GNA15: variants seen among roughly 807,000 people sequenced by gnomAD.
GNA15 encodes the protein guanine nucleotide-binding protein subunit alpha-15.
Under a neutral mutation model 40.1 loss-of-function variants are expected in GNA15, and 23 were observed. The ratio of observed to expected loss-of-function variants is 0.57; its 90% CI spans 0.41 to 0.81. The LOEUF (loss-of-function observed/expected upper bound fraction) is 0.81. GNA15 is among the 40% of genes least tolerant of loss of function. GNA15 has a pLI of 0.00. For missense variants in GNA15, 522 were observed against 515.8 expected, an observed-to-expected ratio of 1.01 and a Z score of -0.12; for synonymous variants, 226 against 210.4, an observed-to-expected ratio of 1.07 and a Z score of -0.64.
At chr19:3,139,992 C>G (rs975082167) in intron 1 of GNA15, among the ~76,000 whole-genome samples, 1 of 145,124 alleles carries the variant, frequency 6.9e-6, no homozygotes, top group Non-Finnish European at 1.5e-5. Flanking sequence ...AAGATCACAC[C>G]ACTGAACTCC....
rs185995452 is a variant in GNA15, at chr19:3,147,688, C to G, written c.146-903C>G. ...TTGGGAGGCCGAGGCGGGTGGATCACGAGGTCAAGACCACGGTGAAACCCC... is the reference window on the plus strand; with the variant it reads ...TTGGGAGGCCGAGGCGGGTGGATCAGGAGGTCAAGACCACGGTGAAACCCC... On this transcript the variant is annotated intron_variant, in intron 1 of 6. Coordinates refer to ENST00000262958, the MANE Select transcript of GNA15 (RefSeq NM_002068.4). 9.4e-4 allele frequency among the ~76,000 whole-genome samples: 143 copies of G among 152,076 alleles called. 1 individual carries two copies. Among genetic ancestry groups the G allele is most frequent in the Middle Eastern group, 6.8e-3 (2 of 294 alleles).
intron 1 of GNA15, among the ~76,000 whole-genome samples, chr19:3,145,352 TATATATA>T (rs1302085287): frequency 0.014 from 504 of 35,754 alleles, 9 homozygotes; most frequent in Non-Finnish European, 0.021. Context: ...TATATATATA[TATATATA>T]TTTTTTTTTT....
At chr19:3,159,642 C>G (rs530736030) in intron 6 of GNA15, among the ~76,000 whole-genome samples, 10 of 152,330 alleles carry the variant, frequency 6.6e-5, no homozygotes, top group African/African-American at 2.4e-4. Context: ...CACACCTGGC[C>G]TTTCTCTTTA....
intron 5 of GNA15, 77 bp from the exon 6 acceptor site, chr19:3,157,651 C>A: frequency 7.5e-7 from 1 of 1,340,254 alleles, no homozygotes; most frequent in Non-Finnish European, 1.1e-6. Context: ...GAGCCAACAG[C>A]CCCGTCTCCG....
rs775924021 is a variant in GNA15 at position 3,162,831 on chromosome 19, C to T, written c.937C>T (p.Leu313=). Residue 313 remains leucine (L), a synonymous_variant, in exon 7 of 7, where the codon CTG becomes TTG. Transcript: ENST00000262958. ...TGCTGAGGCAGCCAAGAGGTTCATC[C>T]TGGACATGTACACGAGGATGTACAC... The part of the protein sequence containing the change: ...QDAEAAKRFI[L]DMYTRMYTGC... 3 of 1,613,946 alleles carry T rather than the reference C, an allele frequency of 1.9e-6. No individual in the cohort carries two copies. The highest frequency in any genetic ancestry group is 4.5e-5 in the East Asian group (2 of 44,898).
chr19:3,142,687 C>T (rs1422226123), intron 1 of GNA15, among the ~76,000 whole-genome samples: 3 of 151,944 alleles, frequency 2.0e-5, no homozygotes, highest in South Asian at 2.1e-4. Flanking sequence ...GTCTGGCCAA[C>T]ATGGTGAAAC....
rs1040144833 is a variant in GNA15 at position 3,158,020 on chromosome 19, A to T, written c.898+139A>T. On this transcript the variant is annotated intron_variant, in intron 6 of 6. Transcript: ENST00000262958. The stretch of plus-strand genomic sequence containing the variant: ...AGACCCGCGTTCTAGACTCAGCTCC[A>T]TCCACTGCCCGACCTCATTGAATCT... 9 of 675,852 alleles carry T rather than the reference A, an allele frequency of 1.3e-5. No homozygotes were observed. The Admixed American group carries it at 2.2e-4, about 16-fold the overall frequency. 41.9% of individuals were successfully genotyped at this position (675,852 alleles called of 1,614,324 possible). A position where few individuals can be genotyped will look rare whatever the true frequency, so the allele number is the denominator to read the frequency against.
Position 3,150,230 on chromosome 19 carries a change from A to G in GNA15, c.430A>G (p.Ile144Val). ...GCAGTGGCTGTGGAGGGATGCCGGCATCCGGGCCTGCTATGAGCGTCGGCG... is the reference window on the plus strand; with the variant it reads ...GCAGTGGCTGTGGAGGGATGCCGGCGTCCGGGCCTGCTATGAGCGTCGGCG... ...AMQWLWRDAG[I>V]RACYERRREF... The change falls in exon 3 of 7, where the codon ATC (isoleucine) becomes GTC (valine). Residue 144 changes from isoleucine to valine, a missense_variant. Ile to Val is a conservative substitution (Grantham distance 29). Coordinates refer to ENST00000262958, the MANE Select transcript of GNA15 (RefSeq NM_002068.4). 2 of 1,611,120 alleles carry G rather than the reference A, an allele frequency of 1.2e-6. No individual in the cohort carries two copies.
At chr19:3,141,165 G>C (rs1211870710) in intron 1 of GNA15, among the ~76,000 whole-genome samples, 1 of 152,066 alleles carries the variant, frequency 6.6e-6, no homozygotes, top group Non-Finnish European at 1.5e-5. Flanking sequence ...GAGTCAGAAT[G>C]AAGCCGTGAG....
Position 3,163,021 on chromosome 19 carries a change from C to T in GNA15, c.*2C>T. The T allele has an allele frequency of 6.8e-6, 11 of 1,605,862 alleles. No individual in the cohort carries two copies. Among genetic ancestry groups the T allele is most frequent in the Non-Finnish European group, 9.4e-6 (11 of 1,172,760 alleles). On this transcript the variant is annotated 3_prime_UTR_variant, in exon 7 of 7. Coordinates refer to ENST00000262958, the MANE Select transcript of GNA15 (RefSeq NM_002068.4). ...CTGGACGAGATCAACCTGCTGTGAC[C>T]CAGGCCCCACCTGGGGCAGGCGGCA...
intron 5 of GNA15, among the ~76,000 whole-genome samples, chr19:3,156,670 G>A (rs926991116): frequency 6.6e-6 from 1 of 151,130 alleles, no homozygotes; most frequent in East Asian, 1.9e-4. Flanking sequence ...TTTTTTTTTT[G>A]TATTCTTAGA....
At chr19:3,143,615 T>C (rs1914628024) in intron 1 of GNA15, among the ~76,000 whole-genome samples, 5 of 152,042 alleles carry the variant, frequency 3.3e-5, no homozygotes, top group Non-Finnish European at 7.4e-5. Flanking sequence ...ATCAAGCCAC[T>C]GCACTCTAGC....
chr19:3,138,195 G>C (rs1038398325), intron 1 of GNA15, among the ~76,000 whole-genome samples: 3 of 152,162 alleles, frequency 2.0e-5, no homozygotes, highest in Non-Finnish European at 2.9e-5. Flanking sequence ...GAAACCAGGA[G>C]GTGGAGGCTG....
chr19:3,156,959 A>T (rs1915044140), intron 5 of GNA15, among the ~76,000 whole-genome samples: 1 of 151,996 alleles, frequency 6.6e-6, no homozygotes. Flanking sequence ...ATTTTGGGGA[A>T]ATATGATGTA....
intron 5 of GNA15, among the ~76,000 whole-genome samples, chr19:3,156,525 C>T (rs1317721587): frequency 2.0e-5 from 3 of 152,084 alleles, no homozygotes; most frequent in African/African-American, 4.8e-5. Flanking sequence ...CACACATGCA[C>T]GCACACGCAC....
intron 1 of GNA15, among the ~76,000 whole-genome samples, chr19:3,137,571 C>T (rs2529776): frequency 0.59 from 90,183 of 151,982 alleles, 26,832 homozygotes; most frequent in Admixed American, 0.67. Context: ...ATCACAAGGT[C>T]GGGAGATCGA....
At position 3,144,591 on chromosome 19, in the gene GNA15, T is replaced by TGC. The variant is rs1568294077; in HGVS notation, c.146-3999_146-3998insCG. 1.1e-4 allele frequency among the ~76,000 whole-genome samples: 16 copies of TGC among 152,058 alleles called. No individual in the cohort carries two copies. The East Asian group carries it at 1.5e-3, about 15-fold the overall frequency. On this transcript the variant is annotated intron_variant, in intron 1 of 6. Transcript: ENST00000262958. ...TCACCCAGGCTGGAGTGCAGTGGCA[T>TGC]GATCTCGGCTCATTGCAAGCTCCGC...
chr19:3,159,748 T>G (rs1915104584), intron 6 of GNA15, among the ~76,000 whole-genome samples: 1 of 152,208 alleles, frequency 6.6e-6, no homozygotes, highest in Non-Finnish European at 1.5e-5. Flanking sequence ...TAGCTACAGA[T>G]TTGCATAACG....
chr19:3,142,701 G>T (rs902444882), intron 1 of GNA15, among the ~76,000 whole-genome samples: 1 of 151,896 alleles, frequency 6.6e-6, no homozygotes, highest in African/African-American at 2.4e-5. Context: ...GTGAAACCTC[G>T]TCTCTACTAA....
Sources: allele counts gnomAD v4.1 joint callset (sites outside exome capture counted in the v4.1 genomes callset), GRCh38; gene constraint gnomAD v4.1.1; transcripts MANE v1.5; gene names NCBI Gene and HGNC (gene_info 2026-07-23, HGNC 2026-07-21).